Variants in CTNNA2 observed in about 807,000 individuals in gnomAD.
CTNNA2 encodes catenin alpha-2.
In CTNNA2, 42 loss-of-function variants were observed where a neutral mutation model predicts 101.0. The ratio of observed to expected loss-of-function variants is 0.42; its 90% CI spans 0.32 to 0.54. CTNNA2 has a LOEUF of 0.54. Ranked by LOEUF, CTNNA2 falls within the 20% of genes least tolerant of loss-of-function variation. The pLI is 0.14. For missense variants in CTNNA2, 871 were observed against 1,223.1 expected (o/e 0.71, Z 4.29); for synonymous variants, 450 against 456.4 (o/e 0.99, Z 0.18).
Position 80,303,394 on chromosome 2 carries a change from C to T in CTNNA2, c.1057-89817C>T, listed in dbSNP as rs146534365. On this transcript the variant is annotated intron_variant, in intron 7 of 18. Coordinates refer to ENST00000402739, the MANE Select transcript of CTNNA2 (RefSeq NM_001282597.3). This position sits in a 1 kb window ranked among gnomAD's most constrained non-coding sequence, Gnocchi z 7.7. ...CCTGCAGCTTGTTGTACGAGAGGTC[C>T]ACGCTGCGCAGGTTGGGCATGGGCC... is the stretch of plus-strand genomic sequence containing the variant. The T allele has an allele frequency of 1.2e-6, 2 of 1,614,168 alleles. No homozygotes were observed. Among genetic ancestry groups the T allele is most frequent in the Non-Finnish European group, 1.7e-6 (2 of 1,180,032 alleles).
intron 3 of CTNNA2, among the ~76,000 whole-genome samples, chr2:79,826,826 T>A (rs573397721): frequency 3.3e-5 from 5 of 152,260 alleles, no homozygotes; most frequent in Non-Finnish European, 5.9e-5. Flanking sequence ...GGGACAACTT[T>A]TCATTTGGGC....
At chr2:79,223,041 T>TC (rs781723767) in intron 2 of CTNNA2, among the ~76,000 whole-genome samples, 2 of 152,118 alleles carry the variant, frequency 1.3e-5, no homozygotes, top group Non-Finnish European at 1.5e-5. Flanking sequence ...ACATTTATAG[T>TC]CCCAGCTACT....
intron 3 of CTNNA2, among the ~76,000 whole-genome samples, chr2:79,857,494 G>T (rs1681231478): frequency 6.6e-6 from 1 of 152,166 alleles, no homozygotes; most frequent in Admixed American, 6.5e-5. Context: ...TGGCAAATTG[G>T]TTACTAAGAG....
intron 2 of CTNNA2, among the ~76,000 whole-genome samples, chr2:79,297,982 A>G (rs1384285220): frequency 6.6e-6 from 1 of 152,188 alleles, no homozygotes; most frequent in South Asian, 2.1e-4. Context: ...GGTTCTCCAG[A>G]GTTTAGTCAA....
At chr2:80,550,269 T>C (rs11126771) in intron 11 of CTNNA2, among the ~76,000 whole-genome samples, 47,290 of 152,092 alleles carry the variant, frequency 0.31, 8,029 homozygotes, top group East Asian at 0.6. Context: ...TTCTAAAAAA[T>C]GCTAAAGATC....
At chr2:79,597,574 G>A (rs1677283473) in intron 1 of CTNNA2, among the ~76,000 whole-genome samples, 1 of 151,982 alleles carries the variant, frequency 6.6e-6, no homozygotes, top group African/African-American at 2.4e-5. Flanking sequence ...AGGACCCAGG[G>A]GCCTTAGATC....
At chr2:79,959,572 G>A (rs978380354) in intron 7 of CTNNA2, among the ~76,000 whole-genome samples, 4 of 152,086 alleles carry the variant, frequency 2.6e-5, no homozygotes, top group Non-Finnish European at 4.4e-5. Flanking sequence ...CAATCCTTTG[G>A]GAACTTGCAG....
At chr2:80,455,009 G>T (rs929800520) in intron 9 of CTNNA2, among the ~76,000 whole-genome samples, 18 of 152,256 alleles carry the variant, frequency 1.2e-4, no homozygotes, top group African/African-American at 4.3e-4. Flanking sequence ...AAAGGGAGAT[G>T]ATATGCGGAG....
chr2:79,714,648 A>C (rs1011303241), intron 2 of CTNNA2, among the ~76,000 whole-genome samples: 2 of 90,278 alleles, frequency 2.2e-5, no homozygotes, highest in African/African-American at 1.7e-4. Context: ...GATTTTGACT[A>C]TCAATCATCT....
At position 80,581,710 on chromosome 2, in the gene CTNNA2, C is replaced by A; in HGVS notation, c.1898C>A (p.Pro633Gln). 1 of 1,602,342 alleles carries A rather than the reference C, an allele frequency of 6.2e-7. No individual in the cohort carries two copies. Among genetic ancestry groups the A allele is most frequent in the African/African-American group, 1.3e-5 (1 of 74,644 alleles). ...CTTATATCTTTTTGTCTTTAGACCC[C>A]AGAAGAACTAGAGGATGATTCTGAC... is the stretch of plus-strand genomic sequence containing the variant. ...IRKAVLMIRT[P>Q]EELEDDSDFE... The change falls in exon 14 of 19, where the codon CCA becomes CAA. Residue 633 changes from proline (P) to glutamine (Q), a missense_variant. By Grantham distance (76) the Pro-to-Gln change is moderately conservative. Around this residue, in one of 5 missense-constraint regions of CTNNA2, gnomAD observed 647 missense variants for 831.5 expected, o/e 0.78. Transcript: ENST00000402739.
chr2:80,194,378 A>C (rs1216918294), intron 7 of CTNNA2, among the ~76,000 whole-genome samples: 1 of 152,200 alleles, frequency 6.6e-6, no homozygotes, highest in Non-Finnish European at 1.5e-5. Flanking sequence ...CAGAGAAATT[A>C]ATGTGAGATG....
Position 79,210,088 on chromosome 2 carries a change from T to TTTTGTGTG in CTNNA2, c.-406+12013_-406+12014insTTGTGTGT, listed in dbSNP as rs112984318. On this transcript the variant is annotated intron_variant, in intron 2 of 21. Coordinates refer to the CTNNA2 transcript ENST00000466387. The stretch of plus-strand genomic sequence containing the variant: ...TTTGAGATTACAGAGTCAAGCTATA[T>TTTTGTGTG]TGTGTGTGTGTGTGTGTGTGTGTGT... Among the ~76,000 whole-genome samples, 227 of 144,884 alleles carry TTTTGTGTG rather than the reference T, an allele frequency of 1.6e-3. 3 individuals carry two copies. The highest frequency in any genetic ancestry group is 2.2e-4 in the South Asian group (1 of 4,486).
chr2:80,624,366 CACTT>C (rs758604359), intron 18 of CTNNA2, among the ~76,000 whole-genome samples: 183 of 152,140 alleles, frequency 1.2e-3, no homozygotes, highest in African/African-American at 4.0e-3. Context: ...AATCAATAGT[CACTT>C]ACAAGTGCTA....
intron 4 of CTNNA2, among the ~76,000 whole-genome samples, chr2:79,488,854 A>C (rs1214236574): frequency 6.6e-6 from 1 of 152,178 alleles, no homozygotes; most frequent in Non-Finnish European, 1.5e-5. Flanking sequence ...CTACATTTCC[A>C]AAAGTAAGAG....
chr2:79,814,386 C>T (rs991799871), intron 3 of CTNNA2, among the ~76,000 whole-genome samples: 8 of 152,166 alleles, frequency 5.3e-5, no homozygotes, highest in Non-Finnish European at 7.4e-5. Context: ...TTTTATCCCT[C>T]GCCACCTCTC....
At chr2:80,334,963 C>T (rs1671646094) in intron 7 of CTNNA2, among the ~76,000 whole-genome samples, 1 of 152,066 alleles carries the variant, frequency 6.6e-6, no homozygotes, top group African/African-American at 2.4e-5. Flanking sequence ...TAGAGTAGTT[C>T]CCAATAAGTT....
chr2:80,576,786 T>TAA (rs1558606620), intron 13 of CTNNA2, among the ~76,000 whole-genome samples: 1,642 of 112,058 alleles, frequency 0.015, 121 homozygotes, highest in African/African-American at 0.048. Context: ...CTGTCTCTAC[T>TAA]GAAAAAAAAA....
At chr2:79,904,835 A>G (rs960492851) in intron 6 of CTNNA2, among the ~76,000 whole-genome samples, 1 of 152,200 alleles carries the variant, frequency 6.6e-6, no homozygotes, top group Non-Finnish European at 1.5e-5. Context: ...CTTTTTGTGG[A>G]GACAATGAAT....
intron 3 of CTNNA2, among the ~76,000 whole-genome samples, chr2:79,853,076 CAGGCT>C (rs1179806142): frequency 1.3e-5 from 2 of 151,936 alleles, no homozygotes; most frequent in Non-Finnish European, 2.9e-5. Context: ...CCATGTTGGC[CAGGCT>C]AGTCTTGAAC....
Sources: allele counts gnomAD v4.1 joint callset (sites outside exome capture counted in the v4.1 genomes callset), GRCh38; gene constraint gnomAD v4.1.1; regional missense constraint gnomAD v4.1.1; non-coding constraint Gnocchi (gnomAD v3.1); transcripts MANE v1.5; gene names NCBI Gene and HGNC (gene_info 2026-07-23, HGNC 2026-07-21).